Variants in NHLRC3 observed in about 807,000 individuals in gnomAD.
NHLRC3 encodes NHL repeat containing 3, also known as NHL repeat-containing protein 3.
In NHLRC3, 23 loss-of-function variants were observed where a neutral mutation model predicts 32.0. The observed-to-expected ratio is 0.72, with a 90% CI of 0.52 to 1.02. NHLRC3 has a LOEUF of 1.02. NHLRC3 is among the 50% of genes least tolerant of loss of function. The probability of loss-of-function intolerance (pLI) is 0.00; values close to 1 mark genes in which losing one functional copy is unlikely to be tolerated. For synonymous variants in NHLRC3, 159 were observed against 147.9 expected (o/e 1.08, Z -0.55); for missense variants, 407 against 406.8 (o/e 1.00, Z -0.01).
intron 4 of NHLRC3, among the ~76,000 whole-genome samples, chr13:39,042,525 AAAGT>A (rs903077683): frequency 2.4e-4 from 37 of 152,208 alleles, no homozygotes; most frequent in Admixed American, 3.3e-4. Flanking sequence ...GATTCCTCCA[AAAGT>A]AACTGGCAAC....
At chr13:39,042,759 A>C (rs1301427701) in intron 4 of NHLRC3, among the ~76,000 whole-genome samples, 4 of 152,210 alleles carry the variant, frequency 2.6e-5, no homozygotes, top group African/African-American at 9.6e-5. Context: ...TTGATTCTTA[A>C]AGCAAAATGG....
chr13:39,041,123 A>T (rs945784229), intron 3 of NHLRC3: 2 of 152,138 alleles, frequency 1.3e-5, no homozygotes, highest in African/African-American at 2.4e-5. Flanking sequence ...CTACCCAGAG[A>T]TCTGAAGACA....
At chr13:39,038,328 G>C (rs1871272987), upstream of NHLRC3, 1 of 407,820 alleles carries the variant, frequency 2.5e-6, no homozygotes, top group African/African-American at 2.0e-5. Flanking sequence ...GGTGGCCACT[G>C]AAAGTCAGCG....
At position 39,049,607 on chromosome 13, in the gene NHLRC3, A is replaced by G. The variant is rs534449576; in HGVS notation, c.*1681A>G. 6.6e-6 allele frequency: 1 copy of G among 152,350 alleles called. No individual in the cohort carries two copies. Among genetic ancestry groups the G allele is most frequent in the East Asian group, 1.9e-4 (1 of 5,192 alleles). The allele number at this position is 152,350 out of a possible 1,614,324, so 9.4% of individuals were successfully genotyped here. The stretch of plus-strand genomic sequence containing the variant: ...TTTGCCTTAATTTTGTGTTTATAGC[A>G]TTTATCAAAACGTATCCTCATAGAC... On this transcript the variant is annotated 3_prime_UTR_variant, in exon 7 of 7. Transcript: ENST00000379600.
At chr13:39,041,105 C>T (rs1204386837) in intron 3 of NHLRC3, 8 of 152,106 alleles carry the variant, frequency 5.3e-5, no homozygotes, top group Admixed American at 3.3e-4. Context: ...TCCATTACAG[C>T]TAATTTTCTA....
At chr13:39,043,749 C>G (rs1267356648) in intron 4 of NHLRC3, among the ~76,000 whole-genome samples, 1 of 152,034 alleles carries the variant, frequency 6.6e-6, no homozygotes, top group Admixed American at 6.5e-5. Context: ...TTTTTAAGGT[C>G]TGTGGAATAC....
intron 5 of NHLRC3, among the ~76,000 whole-genome samples, chr13:39,044,697 T>C (rs923600458): frequency 6.6e-6 from 1 of 152,216 alleles, no homozygotes. Context: ...CAGAAAGCTT[T>C]AGCCAACAAA....
rs953983083 is a variant in NHLRC3, at chr13:39,046,950, A to T, written c.679-90A>T. The T allele has an allele frequency of 9.4e-6, 8 of 847,298 alleles. No individual in the cohort carries two copies. In the African/African-American group the frequency reaches 1.4e-4, roughly 14 times the overall value. 52.5% of individuals were successfully genotyped at this position (847,298 alleles called of 1,614,324 possible). A position where few individuals can be genotyped will look rare whatever the true frequency, so the allele number is the denominator to read the frequency against. On this transcript the variant is annotated intron_variant, in intron 5 of 6. Transcript: ENST00000379600. The stretch of plus-strand genomic sequence containing the variant: ...CTTTGGAATCCTCTTAAGTGAGATA[A>T]TGTATGGTGAAACTAATGAAAATAA...
chr13:39,044,072 T>C lies in NHLRC3; in HGVS notation c.587-18T>C. The C allele has an allele frequency of 6.3e-7, 1 of 1,578,156 alleles. No homozygotes were observed. Among genetic ancestry groups the C allele is most frequent in the Non-Finnish European group, 8.7e-7 (1 of 1,147,266 alleles). The stretch of plus-strand genomic sequence containing the variant: ...CATTCTATATGTTGCTCTGACTATA[T>C]ATTTTTACCGTTTATAGATTTCATG... On this transcript the variant is annotated intron_variant, in intron 4 of 6. Coordinates refer to ENST00000379600, the MANE Select transcript of NHLRC3 (RefSeq NM_001012754.4).
In NHLRC3 at chr13:39,044,176, G is replaced by A. The variant is rs1201614065; in HGVS notation, c.673G>A (p.Gly225Ser). 2 of 1,609,276 alleles carry A rather than the reference G, an allele frequency of 1.2e-6. No individual in the cohort carries two copies. Among genetic ancestry groups the A allele is most frequent in the Non-Finnish European group, 1.7e-6 (2 of 1,175,782 alleles). Residue 225 changes from glycine (G) to serine (S), a missense_variant, in exon 5 of 7, where the codon GGT becomes AGT. By Grantham distance (56) the Gly-to-Ser change is moderately conservative (BLOSUM62 0). Coordinates refer to ENST00000379600, the MANE Select transcript of NHLRC3 (RefSeq NM_001012754.4). ...TCACAGTGTTACACTTGATTCAGCT[G>A]GTCGGGTACAAATACAGCGTCATTG... Reference protein sequence around the residue: ...IPHSVTLDSAGRVWVADRGNK... With the variant: ...IPHSVTLDSASRVWVADRGNK...
At chr13:39,046,934 C>A (rs1871700910) in intron 5 of NHLRC3, 106 bp from the exon 6 acceptor site, 4 of 770,544 alleles carry the variant, frequency 5.2e-6, no homozygotes, top group South Asian at 1.6e-5. Flanking sequence ...TCTTTGGAAT[C>A]CTCTTAAGTG....
chr13:39,038,783 C>A, intron 1 of NHLRC3, 60 bp downstream of exon 1: 1 of 1,381,942 alleles, frequency 7.2e-7, no homozygotes, highest in South Asian at 1.2e-5. Flanking sequence ...TGGGAGGCGT[C>A]GCCACGGTCG....
At chr13:39,044,490 C>T (rs564208771) in intron 5 of NHLRC3, 1 of 283,226 alleles carries the variant, frequency 3.5e-6, no homozygotes, top group Admixed American at 5.2e-5. Context: ...AATAATGGAT[C>T]TGAACATAAA....
At chr13:39,039,041 T>A (rs1250403967) in intron 1 of NHLRC3, 95 bp from the exon 2 acceptor site, 1 of 975,140 alleles carries the variant, frequency 1.0e-6, no homozygotes. Flanking sequence ...TGTCAAGGCA[T>A]GCTTAAAAAT....
chr13:39,045,269 C>T (rs1178336798), intron 5 of NHLRC3, among the ~76,000 whole-genome samples: 1 of 152,144 alleles, frequency 6.6e-6, no homozygotes, highest in African/African-American at 2.4e-5. Flanking sequence ...TTGAATTAAA[C>T]TTTTGCACAT....
Position 39,049,215 on chromosome 13 carries a change from C to G in NHLRC3, c.*1289C>G, listed in dbSNP as rs1359713918. 6.6e-6 allele frequency: 1 copy of G among 152,578 alleles called. No individual in the cohort carries two copies. The highest frequency in any genetic ancestry group is 2.4e-5 in the African/African-American group (1 of 41,420). 9.5% of individuals were successfully genotyped at this position (152,578 alleles called of 1,614,324 possible). ...ATATGACAAATCTTGAGCTGACTTTCCTCTTCACCTGTTATGGCTGGAGTA... is the reference window on the plus strand; with the variant it reads ...ATATGACAAATCTTGAGCTGACTTTGCTCTTCACCTGTTATGGCTGGAGTA... On this transcript the variant is annotated 3_prime_UTR_variant, in exon 7 of 7. Transcript: ENST00000379600.
In NHLRC3 at chr13:39,038,520, G is replaced by A; in HGVS notation, c.-120G>A. On this transcript the variant is annotated 5_prime_UTR_variant, in exon 1 of 7. Coordinates refer to ENST00000379600, the MANE Select transcript of NHLRC3 (RefSeq NM_001012754.4). Reference sequence around the variant, plus strand: ...GTGCATCCAGGGAGGGGAAACCGGAGATAGGGTCTTCGGGCCCCGGGCAGA... The same window carrying A: ...GTGCATCCAGGGAGGGGAAACCGGAAATAGGGTCTTCGGGCCCCGGGCAGA... 1 of 796,386 alleles carries A rather than the reference G, an allele frequency of 1.3e-6. No individual in the cohort carries two copies. The highest frequency in any genetic ancestry group is 2.2e-6 in the Non-Finnish European group (1 of 451,448). 49.3% of individuals were successfully genotyped at this position (796,386 alleles called of 1,614,324 possible). A position where few individuals can be genotyped will look rare whatever the true frequency, so the allele number is the denominator to read the frequency against.
At chr13:39,046,402 C>A (rs7987882) in intron 5 of NHLRC3, among the ~76,000 whole-genome samples, 2,708 of 152,328 alleles carry the variant, frequency 0.018, 95 homozygotes, top group African/African-American at 0.061. Flanking sequence ...CATCTCACTT[C>A]TTGTCTTAGA....
At position 39,042,133 on chromosome 13, in the gene NHLRC3, C is replaced by G; in HGVS notation, c.414C>G (p.Tyr138Ter). Residue 138 changes from tyrosine to a stop codon, truncating the protein, a stop_gained, in exon 4 of 7, where the codon TAC (tyrosine) becomes TAG (stop). Transcript: ENST00000379600. LOFTEE classifies it high-confidence loss of function. The stretch of plus-strand genomic sequence containing the variant: ...TCTTTGGTCATACTGTTAAAAAATA[C>G]AGTTCTTTTGGTGATCTTGTTCAAG... ...SGFFGHTVKK[Y>*]SSFGDLVQVL... The G allele has an allele frequency of 6.2e-7, 1 of 1,607,588 alleles. No homozygotes were observed. Among genetic ancestry groups the G allele is most frequent in the South Asian group, 1.1e-5 (1 of 90,956 alleles).
Sources: allele counts gnomAD v4.1 joint callset (sites outside exome capture counted in the v4.1 genomes callset), GRCh38; gene constraint gnomAD v4.1.1; transcripts MANE v1.5; gene names NCBI Gene and HGNC (gene_info 2026-07-23, HGNC 2026-07-21).